CFAP52: variants seen among roughly 807,000 people sequenced by gnomAD.
CFAP52 encodes the protein cilia- and flagella-associated protein 52.
In CFAP52, 57 loss-of-function variants were observed where a neutral mutation model predicts 70.5. The ratio of observed to expected loss-of-function variants is 0.81; its 90% CI spans 0.65 to 1.01. The LOEUF (loss-of-function observed/expected upper bound fraction) is 1.01. CFAP52 is among the 50% of genes least tolerant of loss of function. The pLI, the probability that CFAP52 is intolerant of heterozygous loss-of-function variation, is 0.00. For synonymous variants in CFAP52, 267 were observed against 292.5 expected, an observed-to-expected ratio of 0.91 and a Z score of 0.89; for missense variants, 785 against 788.5, an observed-to-expected ratio of 1.00 and a Z score of 0.05.
chr17:9,604,223 A>G (rs1039036270), intron 6 of CFAP52, among the ~76,000 whole-genome samples: 7 of 152,228 alleles, frequency 4.6e-5, no homozygotes, highest in African/African-American at 1.7e-4. Context: ...AAGACCTAAG[A>G]TGTGGTGATA....
Position 9,600,261 on chromosome 17 carries a change from A to C in CFAP52, c.753+78A>C, listed in dbSNP as rs1909210848. The C allele has an allele frequency of 1.6e-5, 20 of 1,225,640 alleles. 1 individual carries two copies. In the South Asian group the frequency reaches 2.5e-4, roughly 15 times the overall value. 75.9% of individuals were successfully genotyped at this position (1,225,640 alleles called of 1,614,324 possible). On this transcript the variant is annotated intron_variant, in intron 6 of 13. Coordinates refer to ENST00000352665, the MANE Select transcript of CFAP52 (RefSeq NM_145054.5). ...CATGTACTTTTTTTTTTCCTTTTTG[A>C]GATGCAGTCTTGTTCTGTCACTCAA... is the stretch of plus-strand genomic sequence containing the variant.
Position 9,586,696 on chromosome 17 carries a change from A to C in CFAP52, c.271-2A>C. The C allele has an allele frequency of 6.2e-7, 1 of 1,609,624 alleles. No individual in the cohort carries two copies. Among genetic ancestry groups the C allele is most frequent in the Non-Finnish European group, 8.5e-7 (1 of 1,178,500 alleles). ...GATCTGACGGTGTGTTCTTGCCCCC[A>C]GGCAGACATCATTTTGTGGGATTAT... On this transcript the variant is annotated splice_acceptor_variant, in intron 2 of 13. Transcript: ENST00000352665. LOFTEE classifies it high-confidence loss of function.
chr17:9,589,752 A>ATG (rs1908659381), intron 3 of CFAP52: 1 of 149,658 alleles, frequency 6.7e-6, no homozygotes, highest in African/African-American at 2.5e-5. Context: ...AAAAAAAAAA[A>ATG]AAGAAAAGAA....
chr17:9,596,059 G>GTGTATATA (rs1555541607), intron 4 of CFAP52, among the ~76,000 whole-genome samples: 2 of 85,204 alleles, frequency 2.3e-5, no homozygotes, highest in South Asian at 4.4e-4. Flanking sequence ...ATATGTGTGT[G>GTGTATATA]TATATATATA....
intron 3 of CFAP52, 104 bp from the exon 4 acceptor site, chr17:9,594,089 C>G: frequency 7.0e-7 from 1 of 1,435,744 alleles, no homozygotes; most frequent in Admixed American, 2.5e-5. Flanking sequence ...TTTAAGTAAC[C>G]TGTTGTGTTT....
chr17:9,637,120 C>T (rs1910845164), intron 11 of CFAP52, among the ~76,000 whole-genome samples: 1 of 152,166 alleles, frequency 6.6e-6, no homozygotes, highest in South Asian at 2.1e-4. Context: ...CCCTGTGTGT[C>T]TCCTGGGGAT....
chr17:9,643,488 C>T, downstream of CFAP52: 1 of 254,246 alleles, frequency 3.9e-6, no homozygotes, highest in Non-Finnish European at 7.3e-6. Context: ...GCAAAACCCA[C>T]AGACCTTCCT....
rs548832293 is a variant in CFAP52, at chr17:9,595,490, G to A, written c.536+1169G>A. On this transcript the variant is annotated intron_variant, in intron 4 of 13. Transcript: ENST00000352665. ...AAAGCAACTGACCACGGGCTGTGGC[G>A]ACACTCTTCAACTTTTTTCAGATTT... is the stretch of plus-strand genomic sequence containing the variant. Among the ~76,000 whole-genome samples the A allele has an allele frequency of 2.2e-3, 339 of 152,120 alleles. 2 individuals carry two copies. The highest frequency in any genetic ancestry group is 7.8e-3 in the African/African-American group (322 of 41,506).
chr17:9,585,531 T>C (rs571161159), intron 1 of CFAP52, among the ~76,000 whole-genome samples: 21 of 151,498 alleles, frequency 1.4e-4, no homozygotes, highest in Admixed American at 5.3e-4. Context: ...ATTAGCCAGG[T>C]GTGGTGGCGG....
At chr17:9,590,659 C>G (rs1463518325) in intron 3 of CFAP52, among the ~76,000 whole-genome samples, 3 of 152,160 alleles carry the variant, frequency 2.0e-5, no homozygotes, top group Non-Finnish European at 2.9e-5. Context: ...CCCAATCCCA[C>G]CCCCTGTCAA....
rs546863786 is a variant in CFAP52 at position 9,591,113 on chromosome 17, C to T, written c.408-3080C>T. Among the ~76,000 whole-genome samples, 8 of 138,570 alleles carry T rather than the reference C, an allele frequency of 5.8e-5. No individual in the cohort carries two copies. The South Asian group carries it at 2.0e-3, about 34-fold the overall frequency. 90.9% of individuals were successfully genotyped at this position (138,570 alleles called of 152,430 possible). A position where few individuals can be genotyped will look rare whatever the true frequency, so the allele number is the denominator to read the frequency against. On this transcript the variant is annotated intron_variant, in intron 3 of 13. Coordinates refer to ENST00000352665, the MANE Select transcript of CFAP52 (RefSeq NM_145054.5). ...AGTGCAACGGCATGATCTCAGCTCA[C>T]CACAACCTCTGCCTCCCAGGTTCAA...
chr17:9,577,605 A>G (rs1272497433), intron 1 of CFAP52, among the ~76,000 whole-genome samples: 5 of 152,234 alleles, frequency 3.3e-5, no homozygotes, highest in African/African-American at 1.2e-4. Flanking sequence ...TAAAGTTTTA[A>G]GCATACTCTA....
In CFAP52 at chr17:9,585,962, T is replaced by C; in HGVS notation, c.260T>C (p.Met87Thr). 4 of 1,610,884 alleles carry C rather than the reference T, an allele frequency of 2.5e-6. No individual in the cohort carries two copies. Among genetic ancestry groups the C allele is most frequent in the Non-Finnish European group, 3.4e-6 (4 of 1,178,264 alleles). The change falls in exon 2 of 14, where the codon ATG becomes ACG. Residue 87 changes from methionine to threonine, a missense_variant. Coordinates refer to ENST00000352665, the MANE Select transcript of CFAP52 (RefSeq NM_145054.5). Reference protein sequence around the residue: ...EYIASGQVTFMGFKADIILWD... With the variant: ...EYIASGQVTFTGFKADIILWD... ...ATCGCCTCCGGACAAGTCACATTCA[T>C]GGGGTTCAAGGTGAATACAGTGAAA...
intron 11 of CFAP52, among the ~76,000 whole-genome samples, chr17:9,637,667 C>T (rs909543332): frequency 1.3e-5 from 2 of 152,220 alleles, no homozygotes; most frequent in South Asian, 2.1e-4. Flanking sequence ...CTCTGCCTCC[C>T]GGGTTCAAGT....
At chr17:9,581,534 TAG>T (rs774174672) in intron 1 of CFAP52, among the ~76,000 whole-genome samples, 6 of 144,648 alleles carry the variant, frequency 4.1e-5, no homozygotes, top group Admixed American at 7.0e-5. Flanking sequence ...AGAGAGGGGA[TAG>T]AGAGAGAGGA....
rs569008761 is a variant in CFAP52, at chr17:9,585,544, G to A, written c.71-229G>A. On this transcript the variant is annotated intron_variant, in intron 1 of 13. Transcript: ENST00000352665. ...AAATTAGCCAGGTGTGGTGGCGGGTGCCTGTAATCCCAGCTACTCGGGAGG... is the reference window on the plus strand; with the variant it reads ...AAATTAGCCAGGTGTGGTGGCGGGTACCTGTAATCCCAGCTACTCGGGAGG... Among the ~76,000 whole-genome samples, 11 of 152,142 alleles carry A rather than the reference G, an allele frequency of 7.2e-5. No individual in the cohort carries two copies. The South Asian group carries it at 8.3e-4, about 11-fold the overall frequency.
Position 9,612,390 on chromosome 17 carries a change from G to C in CFAP52, c.936G>C (p.Ser312=). 1 of 1,614,162 alleles carries C rather than the reference G, an allele frequency of 6.2e-7. No individual in the cohort carries two copies. Among genetic ancestry groups the C allele is most frequent in the African/African-American group, 1.3e-5 (1 of 75,038 alleles). The change falls in exon 8 of 14, where the codon TCG becomes TCC. Residue 312 remains serine, a synonymous_variant. Coordinates refer to ENST00000352665, the MANE Select transcript of CFAP52 (RefSeq NM_145054.5). The stretch of plus-strand genomic sequence containing the variant: ...AGTTTCTCGTAGGAACAGAAGAATC[G>C]CACATTTATCGTGTCAGCTTCACGG... ...GHQFLVGTEE[S]HIYRVSFTDF...
intron 1 of CFAP52, chr17:9,584,252 C>A (rs1412880571): frequency 2.3e-6 from 3 of 1,279,410 alleles, no homozygotes; most frequent in South Asian, 2.6e-5. Flanking sequence ...TACATTCAAG[C>A]ATACAAACTT....
downstream of CFAP52, chr17:9,645,170 C>T (rs1406395493): frequency 3.3e-5 from 5 of 153,152 alleles, no homozygotes; most frequent in Non-Finnish European, 7.3e-5. The surrounding 1 kb of genome is among the most constrained non-coding windows in gnomAD (Gnocchi z 6.8). Context: ...CCTCTCACCA[C>T]GCCCGAGGCT....
Sources: gnomAD v4.1 joint callset for allele counts (sites outside exome capture counted in the v4.1 genomes callset) on GRCh38, gnomAD v4.1.1 for gene constraint, Gnocchi (gnomAD v3.1) non-coding constraint, MANE v1.5 for transcripts, NCBI Gene and HGNC (gene_info 2026-07-23, HGNC 2026-07-21) for gene names.